UBR3: variants seen among roughly 807,000 people sequenced by gnomAD.
UBR3 encodes the protein ubiquitin protein ligase E3 component n-recognin 3.
A neutral mutation model predicts 243.2 loss-of-function variants in UBR3; 85 were observed. That is an observed-to-expected ratio of 0.35 (90% confidence interval 0.29 to 0.42). UBR3 has a LOEUF of 0.42. UBR3 is among the 10% of genes least tolerant of loss of function. The pLI, the probability that UBR3 is intolerant of heterozygous loss-of-function variation, is 1.00. For missense variants in UBR3, 1,686 were observed against 2,300.8 expected (o/e 0.73, Z 5.47); for synonymous variants, 748 against 799.8 (o/e 0.94, Z 1.09).
intron 25 of UBR3, 26 bp downstream of exon 25, chr2:169,986,820 G>A: frequency 1.2e-6 from 2 of 1,612,024 alleles, no homozygotes; most frequent in African/African-American, 2.7e-5. Context: ...TTTTTTCATG[G>A]GAACATTTTA....
rs1288695527 is a variant in UBR3, at chr2:170,029,358, A to G, written c.4466A>G (p.His1489Arg). The stretch of plus-strand genomic sequence containing the variant: ...TCAATTTTTTCAGATCAGCTGTTTC[A>G]TGTATTAGCCTTGCACATGCGGCTT... The part of the protein sequence containing the change: ...GKRSCLNQLF[H>R]VLALHMRLYS... Residue 1489 changes from histidine (H) to arginine (R), a missense_variant, in exon 31 of 39, where the codon CAT (histidine) becomes CGT (arginine). This residue lies in a region of UBR3 where 371 missense variants were observed against 422.5 expected (regional missense o/e 0.88). Transcript: ENST00000272793. The G allele has an allele frequency of 2.5e-6, 4 of 1,603,228 alleles. No individual in the cohort carries two copies. The highest frequency in any genetic ancestry group is 3.4e-6 in the Non-Finnish European group (4 of 1,176,158).
At chr2:170,074,376 A>G (rs1214910932) in intron 36 of UBR3, among the ~76,000 whole-genome samples, 3 of 152,160 alleles carry the variant, frequency 2.0e-5, no homozygotes, top group African/African-American at 7.2e-5. Context: ...AGTAGTGTCT[A>G]GTATATACAG....
intron 30 of UBR3, among the ~76,000 whole-genome samples, 171 bp downstream of exon 30, chr2:170,015,537 AT>A (rs988107532): frequency 5.9e-5 from 9 of 152,074 alleles, no homozygotes; most frequent in African/African-American, 2.2e-4. Flanking sequence ...TCATATGGAT[AT>A]TTAGCTCTTT....
intron 20 of UBR3, 82 bp downstream of exon 20, chr2:169,942,716 A>T: frequency 7.6e-7 from 1 of 1,307,600 alleles, no homozygotes; most frequent in Non-Finnish European, 9.9e-7. Context: ...TTTACATAAA[A>T]GTACCACTTA....
intron 23 of UBR3, among the ~76,000 whole-genome samples, chr2:169,958,104 A>C (rs2087396197): frequency 6.6e-6 from 1 of 152,194 alleles, no homozygotes; most frequent in African/African-American, 2.4e-5. Context: ...TGCTAAAAAA[A>C]TATGTTCTTG....
At chr2:170,032,171 CAAG>C (rs2090690132) in intron 31 of UBR3, among the ~76,000 whole-genome samples, 1 of 151,946 alleles carries the variant, frequency 6.6e-6, no homozygotes, top group African/African-American at 2.4e-5. Context: ...GAGACAATGT[CAAG>C]AAAATATCTA....
At chr2:169,902,649 A>G (rs2084873267) in intron 8 of UBR3, among the ~76,000 whole-genome samples, 1 of 147,606 alleles carries the variant, frequency 6.8e-6, no homozygotes, top group Non-Finnish European at 1.5e-5. Context: ...TTGCTCTGTC[A>G]CTTAGGCTGG....
At chr2:169,908,176 GGCTCA>G (rs2085093535) in intron 10 of UBR3, among the ~76,000 whole-genome samples, 1 of 151,968 alleles carries the variant, frequency 6.6e-6, no homozygotes, top group Non-Finnish European at 1.5e-5. Flanking sequence ...CTCTTTTGTT[GGCTCA>G]GAGTTTTTCT....
chr2:169,927,170 AC>A (rs2085940670), intron 16 of UBR3, 149 bp from the exon 17 acceptor site: 1 of 931,422 alleles, frequency 1.1e-6, no homozygotes, highest in Non-Finnish European at 1.6e-6. Flanking sequence ...CAGCAGTTAA[AC>A]TGCAGTTATG....
At position 169,890,581 on chromosome 2, in the gene UBR3, G is replaced by GTATATATATGTATATATATATGTA. The variant is rs1559064410; in HGVS notation, c.1039-575_1039-574insGTATATATATATGTATATATATAT. 2.4e-3 allele frequency among the ~76,000 whole-genome samples: 227 copies of GTATATATATGTATATATATATGTA among 96,410 alleles called. 7 individuals are homozygous for GTATATATATGTATATATATATGTA. Among genetic ancestry groups the GTATATATATGTATATATATATGTA allele is most frequent in the Non-Finnish European group, 3.1e-3 (160 of 51,686 alleles). The allele number at this position is 96,410 out of a possible 152,430, so 63.2% of individuals were successfully genotyped here. A position where few individuals can be genotyped will look rare whatever the true frequency, so the allele number is the denominator to read the frequency against. ...TATATATATGTGTATATATATATATGTATATATATATGTATATATATGTAT... is the reference window on the plus strand; with the variant it reads ...TATATATATGTGTATATATATATATGTATATATATGTATATATATATGTATATATATATATGTATATATATGTAT... On this transcript the variant is annotated intron_variant, in intron 5 of 38. Transcript: ENST00000272793.
At chr2:169,833,642 G>A (rs1439876005) in intron 1 of UBR3, among the ~76,000 whole-genome samples, 1 of 152,032 alleles carries the variant, frequency 6.6e-6, no homozygotes, top group Non-Finnish European at 1.5e-5. Context: ...AATACACATT[G>A]ATTATAACAT....
chr2:169,861,031 G>C (rs1208431795), intron 1 of UBR3, among the ~76,000 whole-genome samples: 3 of 152,208 alleles, frequency 2.0e-5, no homozygotes, highest in Admixed American at 6.5e-5. Context: ...TCCAGCACGG[G>C]AGAAAGATGA....
At chr2:170,076,059 C>T (rs1159027228) in intron 36 of UBR3, among the ~76,000 whole-genome samples, 4 of 152,142 alleles carry the variant, frequency 2.6e-5, no homozygotes, top group Non-Finnish European at 5.9e-5. Flanking sequence ...ATAACTAAGC[C>T]TCAACCATTT....
At chr2:170,022,189 CT>C (rs2090410164) in intron 30 of UBR3, among the ~76,000 whole-genome samples, 1 of 152,136 alleles carries the variant, frequency 6.6e-6, no homozygotes, top group Non-Finnish European at 1.5e-5. Context: ...GGGGAGGCTT[CT>C]AGTCCCTGAA....
rs775242337 is a variant in UBR3 at position 169,947,659 on chromosome 2, G to C, written c.3028G>C (p.Glu1010Gln). The C allele has an allele frequency of 5.9e-6, 9 of 1,538,424 alleles. No homozygotes were observed. Residue 1010 changes from glutamate to glutamine, a missense_variant, in exon 22 of 39, where the codon GAA (glutamate) becomes CAA (glutamine). Physicochemically the swap from Glu to Gln is conservative, Grantham distance 29. Transcript: ENST00000272793. Reference sequence around the variant, plus strand: ...AGTAAGAGTTCCAGAGACTGCTCCTGAAGTAAAGAGAGACTCACCTGCAAG... The same window carrying C: ...AGTAAGAGTTCCAGAGACTGCTCCTCAAGTAAAGAGAGACTCACCTGCAAG... Reference protein sequence around the residue: ...VRVRVPETAPEVKRDSPASTS... With the variant: ...VRVRVPETAPQVKRDSPASTS...
chr2:170,001,485 A>G, intron 27 of UBR3, 71 bp downstream of exon 27: 1 of 871,536 alleles, frequency 1.1e-6, no homozygotes, highest in Non-Finnish European at 1.9e-6. Context: ...TATAGTATAT[A>G]CATCCCAATT....
intron 32 of UBR3, among the ~76,000 whole-genome samples, chr2:170,051,896 G>C (rs1296640112): frequency 1.3e-5 from 2 of 151,784 alleles, no homozygotes; most frequent in African/African-American, 2.4e-5. Flanking sequence ...TCATTTTCAG[G>C]CTCTTTTTAA....
rs1371564743 is a variant in UBR3 at position 169,857,736 on chromosome 2, C to CTATTTT, written c.546-14487_546-14482dup. 2.0e-5 allele frequency among the ~76,000 whole-genome samples: 3 copies of CTATTTT among 151,780 alleles called. No individual in the cohort carries two copies. In the East Asian group the frequency reaches 5.8e-4, roughly 29 times the overall value. ...GCCACTGTGCCTGGCCAAATTTAAT[C>CTATTTT]TATTTTTATTTTTATTTTAAGTTTG... On this transcript the variant is annotated intron_variant, in intron 1 of 38. Coordinates refer to ENST00000272793, the MANE Select transcript of UBR3 (RefSeq NM_172070.4).
intron 31 of UBR3, among the ~76,000 whole-genome samples, chr2:170,030,421 A>T (rs905154699): frequency 2.0e-5 from 3 of 151,992 alleles, no homozygotes; most frequent in African/African-American, 4.8e-5. Context: ...GTTAGGAAAT[A>T]TTTTTTTAAA....
Sources: gnomAD v4.1 joint callset for allele counts (sites outside exome capture counted in the v4.1 genomes callset) on GRCh38, gnomAD v4.1.1 for gene constraint, gnomAD v4.1.1 regional missense constraint, MANE v1.5 for transcripts, NCBI Gene and HGNC (gene_info 2026-07-23, HGNC 2026-07-21) for gene names.